Variants in SCHIP1 observed in about 807,000 individuals in gnomAD.
SCHIP1 encodes schwannomin interacting protein 1, also known as schwannomin-interacting protein 1.
Under a neutral mutation model 29.7 loss-of-function variants are expected in SCHIP1, and 8 were observed. The observed-to-expected ratio is 0.27, with a 90% confidence interval of 0.16 to 0.49. The LOEUF (loss-of-function observed/expected upper bound fraction) is 0.49, where lower values mean the gene tolerates loss of function less well. Among genes scored for constraint, SCHIP1 ranks in the 20% least tolerant of loss-of-function variants. SCHIP1 has a pLI of 0.99. For missense variants in SCHIP1, 193 were observed against 294.6 expected (o/e 0.66, Z 2.52); for synonymous variants, 76 against 94.9 (o/e 0.80, Z 1.16).
chr3:159,668,242 T>G, the SCHIP1 span, among the ~76,000 whole-genome samples: 1 of 151,938 alleles, frequency 6.6e-6, no homozygotes, highest in Non-Finnish European at 1.5e-5. Context: ...CCGGGCGTGG[T>G]GGCAGGCGCC....
chr3:159,577,518 C>T, the SCHIP1 span, among the ~76,000 whole-genome samples: 1 of 152,318 alleles, frequency 6.6e-6, no homozygotes, highest in South Asian at 2.1e-4. Context: ...TTAGCCTTCA[C>T]ATCATTGACA....
the SCHIP1 span, among the ~76,000 whole-genome samples, chr3:159,426,247 T>C: frequency 2.6e-5 from 4 of 152,104 alleles, no homozygotes; most frequent in African/African-American, 7.2e-5. Context: ...ATCCAGGAGA[T>C]GGTTTTTTGA....
At chr3:159,406,335 G>A in the SCHIP1 span, among the ~76,000 whole-genome samples, 1 of 152,112 alleles carries the variant, frequency 6.6e-6, no homozygotes, top group Non-Finnish European at 1.5e-5. Flanking sequence ...AGTGCTGAAT[G>A]AAACAACAAC....
At chr3:159,830,298 T>G in the SCHIP1 span, among the ~76,000 whole-genome samples, 1 of 152,212 alleles carries the variant, frequency 6.6e-6, no homozygotes, top group Non-Finnish European at 1.5e-5. Context: ...AGATTTGAAC[T>G]CAGAATAATT....
chr3:159,329,389 G>A, the SCHIP1 span, among the ~76,000 whole-genome samples: 1 of 152,194 alleles, frequency 6.6e-6, no homozygotes. Context: ...AGAAGATGAT[G>A]TTGCCACAGG....
the SCHIP1 span, among the ~76,000 whole-genome samples, chr3:159,325,097 T>C: frequency 6.6e-6 from 1 of 152,162 alleles, no homozygotes; most frequent in Non-Finnish European, 1.5e-5. Flanking sequence ...CAATTCCATA[T>C]GTCCTACACT....
intron 1 of SCHIP1, among the ~76,000 whole-genome samples, chr3:159,847,223 G>A (rs923451659): frequency 6.6e-6 from 1 of 152,198 alleles, no homozygotes; most frequent in Non-Finnish European, 1.5e-5. Flanking sequence ...TTGCTTGAAA[G>A]TAGAGACACC....
intron 6 of SCHIP1, among the ~76,000 whole-genome samples, chr3:159,896,246 CTT>C (rs1718052428): frequency 6.6e-6 from 1 of 152,198 alleles, no homozygotes; most frequent in Non-Finnish European, 1.5e-5. Flanking sequence ...CTCAGTTACT[CTT>C]ATCATAATAC....
chr3:159,397,579 T>C, the SCHIP1 span, among the ~76,000 whole-genome samples: 2 of 152,042 alleles, frequency 1.3e-5, no homozygotes, highest in South Asian at 2.1e-4. Context: ...AGTACCCTGC[T>C]GTGTGAGGTG....
the SCHIP1 span, among the ~76,000 whole-genome samples, chr3:159,823,787 G>T: frequency 6.6e-6 from 1 of 152,166 alleles, no homozygotes; most frequent in African/African-American, 2.4e-5. Context: ...CGTAGGCTTT[G>T]AAAGGCCCTG....
chr3:159,654,891 G>A, the SCHIP1 span, among the ~76,000 whole-genome samples: 3 of 151,728 alleles, frequency 2.0e-5, no homozygotes, highest in African/African-American at 7.3e-5. Context: ...GTCACCAGCT[G>A]GTTGACAGTA....
chr3:159,660,006 A>G, the SCHIP1 span, among the ~76,000 whole-genome samples: 1 of 152,194 alleles, frequency 6.6e-6, no homozygotes, highest in Non-Finnish European at 1.5e-5. Context: ...TGAGGGGATT[A>G]TATTGAAATC....
At chr3:159,437,475 T>C in the SCHIP1 span, among the ~76,000 whole-genome samples, 1 of 152,188 alleles carries the variant, frequency 6.6e-6, no homozygotes, top group East Asian at 1.9e-4. Flanking sequence ...GATATTTATT[T>C]CATTCTTGAC....
the SCHIP1 span, among the ~76,000 whole-genome samples, chr3:159,434,376 G>A: frequency 6.6e-6 from 1 of 152,082 alleles, no homozygotes; most frequent in Non-Finnish European, 1.5e-5. Flanking sequence ...ACAGCAGATA[G>A]CAGAAAACCC....
the SCHIP1 span, among the ~76,000 whole-genome samples, chr3:159,377,744 C>CT: frequency 3.9e-5 from 6 of 152,118 alleles, no homozygotes; most frequent in African/African-American, 1.4e-4. Flanking sequence ...TATTTAAACA[C>CT]TTTTTTAAAA....
the SCHIP1 span, among the ~76,000 whole-genome samples, chr3:159,509,368 T>C: frequency 6.6e-6 from 1 of 152,332 alleles, no homozygotes; most frequent in East Asian, 1.9e-4. Context: ...TGTCTCTGCA[T>C]GTGAGATAGG....
chr3:159,287,970 T>C, the SCHIP1 span, among the ~76,000 whole-genome samples: 159 of 152,328 alleles, frequency 1.0e-3, no homozygotes, highest in African/African-American at 3.6e-3. Flanking sequence ...TTGACTTCTT[T>C]CAGAACATAA....
the SCHIP1 span, among the ~76,000 whole-genome samples, chr3:159,344,754 A>G: frequency 1.3e-5 from 2 of 152,242 alleles, no homozygotes; most frequent in African/African-American, 2.4e-5. Flanking sequence ...TTCATTAACT[A>G]AAAGCTAAGA....
the SCHIP1 span, among the ~76,000 whole-genome samples, chr3:159,677,026 G>A: frequency 0.97 from 148,198 of 152,162 alleles, 72,274 homozygotes; most frequent in East Asian, 1. Context: ...TAAAGGTCAC[G>A]TGTTTTACAG....
Sources: allele counts gnomAD v4.1 joint callset (sites outside exome capture counted in the v4.1 genomes callset), GRCh38; gene constraint gnomAD v4.1.1; transcripts MANE v1.5; gene names NCBI Gene and HGNC (gene_info 2026-07-23, HGNC 2026-07-21).